CACNB2: variants seen among roughly 807,000 people sequenced by gnomAD.
CACNB2 encodes voltage-dependent L-type calcium channel subunit beta-2.
CACNB2 carries 42 observed loss-of-function variants against 73.3 expected under a neutral mutation model. The observed-to-expected ratio is 0.57, with a 90% CI of 0.45 to 0.74. CACNB2 has a LOEUF of 0.74. Among genes scored for constraint, CACNB2 ranks in the 30% least tolerant of loss-of-function variants. CACNB2 has a pLI of 0.00. For missense variants in CACNB2, 940 were observed against 853.0 expected (o/e 1.10, Z -1.27); for synonymous variants, 348 against 310.3 (o/e 1.12, Z -1.28).
At chr10:18,372,377 TGTATAAG>T (rs2042623805) in intron 2 of CACNB2, among the ~76,000 whole-genome samples, 1 of 152,192 alleles carries the variant, frequency 6.6e-6, no homozygotes, top group South Asian at 2.1e-4. Flanking sequence ...AATTAGTTTT[TGTATAAG>T]GTATAAGGAA....
intron 2 of CACNB2, among the ~76,000 whole-genome samples, chr10:18,174,284 TTCTC>T (rs1222166152): frequency 4.5e-5 from 6 of 134,256 alleles, no homozygotes; most frequent in African/African-American, 1.6e-4. Flanking sequence ...CTCTCTCTCT[TTCTC>T]TCTTTTCCTT....
chr10:18,523,083 T>C (rs540408648), intron 9 of CACNB2, among the ~76,000 whole-genome samples: 7 of 152,214 alleles, frequency 4.6e-5, no homozygotes, highest in African/African-American at 1.2e-4. Context: ...TGACAGGAAA[T>C]AGACCCTTTA....
At chr10:18,330,925 C>T (rs2040775099) in intron 2 of CACNB2, among the ~76,000 whole-genome samples, 1 of 151,942 alleles carries the variant, frequency 6.6e-6, no homozygotes, top group South Asian at 2.1e-4. Flanking sequence ...CCTCGGCCTC[C>T]CAATGTGCTG....
At chr10:18,151,617 C>T (rs1376434532) in intron 2 of CACNB2, among the ~76,000 whole-genome samples, 2 of 152,132 alleles carry the variant, frequency 1.3e-5, no homozygotes, top group Non-Finnish European at 1.5e-5. Flanking sequence ...AAAGGAATTC[C>T]ATTACCAGAG....
At chr10:18,150,530 G>T (rs1030754792) in intron 1 of CACNB2, among the ~76,000 whole-genome samples, 2 of 152,186 alleles carry the variant, frequency 1.3e-5, no homozygotes, top group Non-Finnish European at 2.9e-5. Context: ...AGACGTGGTG[G>T]CACATGCTTG....
At chr10:18,189,151 A>G (rs2034285939) in intron 2 of CACNB2, among the ~76,000 whole-genome samples, 1 of 152,148 alleles carries the variant, frequency 6.6e-6, no homozygotes, top group Admixed American at 6.6e-5. Context: ...TTTTTAAAAA[A>G]AAATTCCTCA....
At chr10:18,168,085 GTTGT>G (rs1000763956) in intron 2 of CACNB2, among the ~76,000 whole-genome samples, 9 of 151,164 alleles carry the variant, frequency 6.0e-5, no homozygotes, top group African/African-American at 2.2e-4. Context: ...TAAAAAAATT[GTTGT>G]TTGTTTGCAT....
intron 2 of CACNB2, among the ~76,000 whole-genome samples, chr10:18,358,646 C>T (rs1017874045): frequency 1.3e-5 from 2 of 151,296 alleles, no homozygotes; most frequent in Non-Finnish European, 2.9e-5. Flanking sequence ...TGAGACATGC[C>T]AAGTTTTTTT....
chr10:18,486,042 C>G (rs1046702491), intron 3 of CACNB2, among the ~76,000 whole-genome samples: 1 of 151,402 alleles, frequency 6.6e-6, no homozygotes, highest in Non-Finnish European at 1.5e-5. Context: ...TTGACAGTTT[C>G]AGGATGAAAA....
At chr10:18,301,594 C>T (rs935719842) in intron 2 of CACNB2, among the ~76,000 whole-genome samples, 2 of 151,178 alleles carry the variant, frequency 1.3e-5, no homozygotes, top group African/African-American at 4.9e-5. Flanking sequence ...GATCCTGTCG[C>T]AAAAACAAAC....
At chr10:18,362,396 A>C (rs2042178470) in intron 2 of CACNB2, among the ~76,000 whole-genome samples, 1 of 152,202 alleles carries the variant, frequency 6.6e-6, no homozygotes, top group African/African-American at 2.4e-5. Context: ...AATTTATGAA[A>C]ATTTGACTAG....
At chr10:18,519,400 G>C (rs2051613826) in intron 9 of CACNB2, among the ~76,000 whole-genome samples, 1 of 152,144 alleles carries the variant, frequency 6.6e-6, no homozygotes, top group South Asian at 2.1e-4. Flanking sequence ...GTGTCATTGA[G>C]AAAATAGAGG....
In CACNB2 at chr10:18,333,685, T is replaced by A. The variant is rs572290336; in HGVS notation, c.214-68239T>A. Among the ~76,000 whole-genome samples, 6 of 152,362 alleles carry A rather than the reference T, an allele frequency of 3.9e-5. No individual in the cohort carries two copies. The South Asian group carries it at 8.3e-4, about 21-fold the overall frequency. On this transcript the variant is annotated intron_variant, in intron 2 of 13. Transcript: ENST00000324631. ...TTCACTGTCTGGCTAACACGTACCA[T>A]AATTATCCATATTTGTACACATAGC...
At chr10:18,427,666 C>A (rs1020942826) in intron 3 of CACNB2, among the ~76,000 whole-genome samples, 1 of 151,920 alleles carries the variant, frequency 6.6e-6, no homozygotes, top group Admixed American at 6.6e-5. Context: ...TTAACAGAAC[C>A]CTTTAGGGTT....
At chr10:18,349,835 C>T (rs1250564902) in intron 2 of CACNB2, among the ~76,000 whole-genome samples, 2 of 152,066 alleles carry the variant, frequency 1.3e-5, no homozygotes, top group Non-Finnish European at 2.9e-5. Flanking sequence ...AATGGTAAAT[C>T]CTATGTTATG....
chr10:18,338,758 T>TG (rs397762747), intron 2 of CACNB2, among the ~76,000 whole-genome samples: 1 of 147,640 alleles, frequency 6.8e-6, no homozygotes, highest in Non-Finnish European at 1.5e-5. Context: ...TTTTTTTTTT[T>TG]GAAAGAGGGT....
intron 2 of CACNB2, chr10:18,261,049 C>T (rs1300961745): frequency 7.1e-7 from 1 of 1,416,886 alleles, no homozygotes; most frequent in Non-Finnish European, 9.2e-7. Flanking sequence ...TTACGCCCCC[C>T]ACCCCCAAAA....
chr10:18,424,050 C>T lies in CACNB2; in HGVS notation c.333+22007C>T, dbSNP rs181841842. ...TATAGTGGGATAAAAAGAAAAAAAA[C>T]TCATGTACCCACCTCCACAATTACA... On this transcript the variant is annotated intron_variant, in intron 3 of 13. Transcript: ENST00000324631. Among the ~76,000 whole-genome samples the T allele has an allele frequency of 1.2e-3, 186 of 151,862 alleles. 1 individual carries two copies. The highest frequency in any genetic ancestry group is 6.8e-3 in the Middle Eastern group (2 of 292).
intron 2 of CACNB2, among the ~76,000 whole-genome samples, chr10:18,216,484 G>A (rs1006494453): frequency 1.2e-4 from 19 of 152,080 alleles, no homozygotes; most frequent in African/African-American, 2.9e-4. Context: ...CATATCCCAC[G>A]TAAGCATGTA....
Sources: allele counts gnomAD v4.1 joint callset (sites outside exome capture counted in the v4.1 genomes callset), GRCh38; gene constraint gnomAD v4.1.1; transcripts MANE v1.5; gene names NCBI Gene and HGNC (gene_info 2026-07-23, HGNC 2026-07-21).